The following CHN1 variants were observed in gnomAD, a reference collection of about 807,000 sequenced individuals.
The protein encoded by CHN1 is N-chimaerin.
A neutral mutation model predicts 59.5 loss-of-function variants in CHN1; 37 were observed. The ratio of observed to expected loss-of-function variants is 0.62; its 90% CI spans 0.48 to 0.82. The LOEUF is 0.82. CHN1 is among the 40% of genes least tolerant of loss of function. CHN1 has a pLI of 0.00. For synonymous variants in CHN1, 206 were observed against 200.4 expected, an observed-to-expected ratio of 1.03 and a Z score of -0.24; for missense variants, 469 against 571.0, an observed-to-expected ratio of 0.82 and a Z score of 1.82.
intron 5 of CHN1, among the ~76,000 whole-genome samples, chr2:174,900,338 A>C (rs1299996159): frequency 6.6e-6 from 1 of 152,104 alleles, no homozygotes; most frequent in Non-Finnish European, 1.5e-5. Flanking sequence ...CCCTGTCTCT[A>C]CATAAAAATG....
intron 1 of CHN1, among the ~76,000 whole-genome samples, chr2:174,965,922 G>C (rs2105431961): frequency 6.6e-6 from 1 of 152,262 alleles, no homozygotes; most frequent in South Asian, 2.1e-4. Context: ...ATATGTGAAA[G>C]AGTCACAAAG....
intron 3 of CHN1, 66 bp from the exon 4 acceptor site, chr2:174,918,631 T>G: frequency 1.5e-6 from 2 of 1,299,888 alleles, no homozygotes; most frequent in Admixed American, 4.5e-5. Flanking sequence ...TAACTCAACA[T>G]TTTGTGCATG....
intron 3 of CHN1, among the ~76,000 whole-genome samples, chr2:174,930,729 G>A (rs1574178656): frequency 4.6e-5 from 7 of 152,256 alleles, no homozygotes. Context: ...CAAGACGGAT[G>A]CCTAGGTAAC....
chr2:174,889,185 T>G (rs1687976294), intron 5 of CHN1, among the ~76,000 whole-genome samples: 1 of 152,010 alleles, frequency 6.6e-6, no homozygotes, highest in Non-Finnish European at 1.5e-5. Context: ...CCCTAAAAGG[T>G]TTTAGAGGCC....
In CHN1 at chr2:174,877,989, T is replaced by G; in HGVS notation, c.400A>C (p.Ile134Leu). 6.2e-7 allele frequency: 1 copy of G among 1,613,910 alleles called. No homozygotes were observed. The highest frequency in any genetic ancestry group is 8.5e-7 in the Non-Finnish European group (1 of 1,179,838). The change falls in exon 6 of 13, where the codon ATT (isoleucine) becomes CTT (leucine). Residue 134 changes from isoleucine (I) to leucine (L), a missense_variant. Physicochemically the swap from Ile to Leu is conservative, Grantham distance 5 (BLOSUM62 2). Coordinates refer to ENST00000409900, the MANE Select transcript of CHN1 (RefSeq NM_001822.7). ...ATTGGGTTTATCGTCATCTTGGCAA[T>G]GTATTCTGCTGCCTTGGTTTCAATA... ...LYIETKAAEY[I>L]AKMTINPIYE... is the part of the protein sequence containing the mutation.
intron 5 of CHN1, among the ~76,000 whole-genome samples, chr2:174,903,786 A>G (rs965810319): frequency 6.6e-6 from 1 of 152,200 alleles, no homozygotes; most frequent in Non-Finnish European, 1.5e-5. Context: ...TAAATTATTA[A>G]ACTTCAAATG....
chr2:174,860,938 C>A (rs1018926030), intron 6 of CHN1, among the ~76,000 whole-genome samples: 4 of 152,088 alleles, frequency 2.6e-5, no homozygotes, highest in Admixed American at 1.3e-4. Flanking sequence ...CCATCTCATA[C>A]GGTCCTTTTA....
At chr2:174,918,640 T>C in intron 3 of CHN1, 75 bp from the exon 4 acceptor site, 1 of 1,191,784 alleles carries the variant, frequency 8.4e-7, no homozygotes, top group Non-Finnish European at 1.2e-6. Context: ...ATTTTGTGCA[T>C]GTGACAAAGT....
At chr2:174,839,747 G>C (rs1418523421) in intron 7 of CHN1, among the ~76,000 whole-genome samples, 1 of 152,050 alleles carries the variant, frequency 6.6e-6, no homozygotes, top group Non-Finnish European at 1.5e-5. Context: ...AGGACTACAG[G>C]CATGTGCCAC....
intron 2 of CHN1, among the ~76,000 whole-genome samples, chr2:174,945,581 T>C (rs1689803615): frequency 6.6e-6 from 1 of 152,172 alleles, no homozygotes; most frequent in Non-Finnish European, 1.5e-5. Flanking sequence ...CATGACTTCC[T>C]TCTAGCCTCA....
At chr2:174,823,664 G>GAAA (rs58763231) in intron 8 of CHN1, among the ~76,000 whole-genome samples, 17 of 132,568 alleles carry the variant, frequency 1.3e-4, no homozygotes, top group African/African-American at 4.6e-4. Flanking sequence ...CTCTGTCTCA[G>GAAA]AAAAAAAAAA....
intron 1 of CHN1, among the ~76,000 whole-genome samples, chr2:174,983,796 C>A (rs1000141495): frequency 6.6e-6 from 1 of 152,094 alleles, no homozygotes; most frequent in Non-Finnish European, 1.5e-5. Flanking sequence ...CCACTGCACT[C>A]CAGCCTGGGC....
At chr2:174,867,759 T>C (rs1249663523) in intron 6 of CHN1, among the ~76,000 whole-genome samples, 2 of 152,196 alleles carry the variant, frequency 1.3e-5, no homozygotes, top group Non-Finnish European at 2.9e-5. Context: ...AGATTGTTCA[T>C]AGCCTAATGG....
intron 4 of CHN1, among the ~76,000 whole-genome samples, chr2:174,915,637 C>T (rs1045310597): frequency 2.6e-5 from 4 of 152,198 alleles, no homozygotes; most frequent in Admixed American, 1.3e-4. Flanking sequence ...CCTTAATTGG[C>T]ATGATTGCCC....
intron 3 of CHN1, among the ~76,000 whole-genome samples, chr2:174,922,619 A>C (rs1267222238): frequency 6.6e-6 from 1 of 152,202 alleles, no homozygotes; most frequent in Non-Finnish European, 1.5e-5. Flanking sequence ...TGAGCCCAGG[A>C]GGTTGAGGCT....
At chr2:174,828,410 G>T (rs1179857776) in intron 7 of CHN1, among the ~76,000 whole-genome samples, 1 of 152,134 alleles carries the variant, frequency 6.6e-6, no homozygotes, top group African/African-American at 2.4e-5. Flanking sequence ...CACTTTATAT[G>T]CAGTTTTACA....
rs1358130379 is a variant in CHN1, at chr2:174,846,999, C to G, written c.550-42G>C. The G allele has an allele frequency of 1.9e-5, 30 of 1,551,734 alleles. No homozygotes were observed. In the Admixed American group the frequency reaches 4.1e-4, roughly 21 times the overall value. On this transcript the variant is annotated intron_variant, in intron 6 of 12. Transcript: ENST00000409900. ...AGTTTCAGAGGTTGCCAGATTGTCA[C>G]AGACGACTTTGGAGAACCCAGTTTC...
chr2:175,004,025 C>T (rs1691978977), intron 1 of CHN1, among the ~76,000 whole-genome samples: 1 of 152,174 alleles, frequency 6.6e-6, no homozygotes, highest in Non-Finnish European at 1.5e-5. Context: ...AGGCTGTTCT[C>T]GTAGCTATCA....
At position 174,877,815 on chromosome 2, in the gene CHN1, A is replaced by G. The variant is rs111796375; in HGVS notation, c.549+25T>C. The G allele has an allele frequency of 5.5e-4, 878 of 1,591,962 alleles. 2 individuals carry two copies. The African/African-American group carries it at 8.8e-3, about 16-fold the overall frequency. The stretch of plus-strand genomic sequence containing the variant: ...AAAAGAACCCCAAACAGAAAAAGAT[A>G]AAGTGTGGTTTCATAGTAGCTTACC... On this transcript the variant is annotated intron_variant, in intron 6 of 12. Transcript: ENST00000409900.
Sources: allele counts gnomAD v4.1 joint callset (sites outside exome capture counted in the v4.1 genomes callset), GRCh38; gene constraint gnomAD v4.1.1; transcripts MANE v1.5; gene names NCBI Gene and HGNC (gene_info 2026-07-23, HGNC 2026-07-21).